Variants in DYRK4 observed in about 807,000 individuals in gnomAD.
The protein encoded by DYRK4 is dual specificity tyrosine-phosphorylation-regulated kinase 4.
In DYRK4, 64 loss-of-function variants were observed where a neutral mutation model predicts 68.3. The observed-to-expected ratio is 0.94, with a 90% confidence interval of 0.77 to 1.15. The LOEUF (loss-of-function observed/expected upper bound fraction) is 1.15, where lower values mean the gene tolerates loss of function less well. Ranked by LOEUF, DYRK4 falls within the 50% of genes most tolerant of loss-of-function variation. The pLI is 0.00. For synonymous variants in DYRK4, 274 were observed against 289.9 expected (o/e 0.95, Z 0.56); for missense variants, 740 against 764.7 (o/e 0.97, Z 0.38).
chr12:4,573,334 C>A, intron 2 of DYRK4: 1 of 1,289,460 alleles, frequency 7.8e-7, no homozygotes, highest in Non-Finnish European at 1.0e-6. Flanking sequence ...TCCTAGGGCC[C>A]CACTCTTTCT....
At chr12:4,586,333 G>A (rs1944896210) in intron 2 of DYRK4, among the ~76,000 whole-genome samples, 1 of 152,118 alleles carries the variant, frequency 6.6e-6, no homozygotes, top group Non-Finnish European at 1.5e-5. Context: ...AAAATCTTTT[G>A]TTACATAGGA....
chr12:4,589,113 A>T, intron 3 of DYRK4, 96 bp downstream of exon 3: 2 of 1,093,158 alleles, frequency 1.8e-6, no homozygotes, highest in Non-Finnish European at 2.6e-6. Context: ...CCAATTTATC[A>T]TAAAATGTAT....
chr12:4,568,332 T>C (rs540792429), intron 2 of DYRK4, among the ~76,000 whole-genome samples: 10 of 152,298 alleles, frequency 6.6e-5, no homozygotes, highest in African/African-American at 2.4e-4. Context: ...GAGATCCTAC[T>C]GGAAGTTACC....
At chr12:4,607,925 G>A (rs867362687) in intron 12 of DYRK4, among the ~76,000 whole-genome samples, 2 of 152,146 alleles carry the variant, frequency 1.3e-5, no homozygotes, top group East Asian at 1.9e-4. Flanking sequence ...AGTTATGTAC[G>A]TGTCATCTGT....
intron 1 of DYRK4, among the ~76,000 whole-genome samples, chr12:4,565,974 G>A (rs989787633): frequency 6.6e-6 from 1 of 152,154 alleles, no homozygotes; most frequent in African/African-American, 2.4e-5. Context: ...AGTAAAGGAA[G>A]GCAACACTCG....
At chr12:4,606,712 T>C (rs1945156256) in intron 11 of DYRK4, among the ~76,000 whole-genome samples, 1 of 152,208 alleles carries the variant, frequency 6.6e-6, no homozygotes. Flanking sequence ...GCCCCAGAAC[T>C]GACTCAGCTT....
At chr12:4,575,937 A>C (rs10849098) in intron 2 of DYRK4, among the ~76,000 whole-genome samples, 58,093 of 151,950 alleles carry the variant, frequency 0.38, 11,878 homozygotes, top group Middle Eastern at 0.48. Context: ...TTTCCATATA[A>C]CCCATTCCTC....
intron 11 of DYRK4, among the ~76,000 whole-genome samples, chr12:4,606,029 A>G (rs1196511331): frequency 6.6e-6 from 1 of 152,216 alleles, no homozygotes; most frequent in Non-Finnish European, 1.5e-5. Flanking sequence ...ACTTCAAAGT[A>G]TGTGTATTGT....
At chr12:4,602,712 C>A in intron 10 of DYRK4, 1 of 1,484,774 alleles carries the variant, frequency 6.7e-7, no homozygotes, top group Non-Finnish European at 9.4e-7. Flanking sequence ...GCAAATACCC[C>A]TGACTCTTCA....
Position 4,602,237 on chromosome 12 carries a change from T to A in DYRK4, c.1126+2449T>A, listed in dbSNP as rs538741127. 1.3e-5 allele frequency: 14 copies of A among 1,057,648 alleles called. No individual in the cohort carries two copies. The East Asian group carries it at 3.4e-4, about 25-fold the overall frequency. The allele number at this position is 1,057,648 out of a possible 1,614,324, so 65.5% of individuals were successfully genotyped here. ...ATCTGCTTTGCTTGCTGAATTCTCC[T>A]CATTTCTAAGACCTGCTCTCTTTTC... On this transcript the variant is annotated intron_variant, in intron 10 of 14. Transcript: ENST00000543431.
intron 10 of DYRK4, chr12:4,601,971 A>G (rs527535047): frequency 9.6e-5 from 29 of 302,298 alleles, no homozygotes; most frequent in African/African-American, 6.1e-4. Context: ...ATCATTTTCT[A>G]TTTTCTGTTC....
At chr12:4,587,348 A>G (rs1944908134) in intron 2 of DYRK4, among the ~76,000 whole-genome samples, 1 of 151,914 alleles carries the variant, frequency 6.6e-6, no homozygotes, top group Non-Finnish European at 1.5e-5. Flanking sequence ...CGCCCCCTCT[A>G]CCACCATCCT....
chr12:4,568,142 C>T, intron 2 of DYRK4, 94 bp downstream of exon 2: 1 of 1,193,456 alleles, frequency 8.4e-7, no homozygotes, highest in Non-Finnish European at 1.2e-6. Flanking sequence ...CCCCAAGCAC[C>T]TCTGGGTACA....
intron 5 of DYRK4, chr12:4,592,439 CT>C (rs930346766): frequency 8.5e-5 from 13 of 152,206 alleles, no homozygotes; most frequent in African/African-American, 2.9e-4. Flanking sequence ...AATTTTACCC[CT>C]GACCACGCAC....
chr12:4,605,728 G>GGTTT (rs1945138824), intron 11 of DYRK4, among the ~76,000 whole-genome samples: 1 of 68,938 alleles, frequency 1.5e-5, no homozygotes, highest in Non-Finnish European at 2.5e-5. Context: ...AATAGAGCTG[G>GGTTT]GTTTTTTTTT....
chr12:4,596,558 C>T (rs1368572231), intron 7 of DYRK4, 31 bp from the exon 8 acceptor site: 11 of 1,605,326 alleles, frequency 6.9e-6, no homozygotes, highest in African/African-American at 6.7e-5. Flanking sequence ...TCCCCATTTC[C>T]CACCCTGCCG....
At chr12:4,582,537 A>T (rs1485916775) in intron 2 of DYRK4, among the ~76,000 whole-genome samples, 1 of 152,178 alleles carries the variant, frequency 6.6e-6, no homozygotes, top group Non-Finnish European at 1.5e-5. Context: ...CTTGTCTAAC[A>T]AGCCTTTGCA....
chr12:4,583,504 T>C (rs893009766), intron 2 of DYRK4, among the ~76,000 whole-genome samples: 2 of 152,112 alleles, frequency 1.3e-5, no homozygotes, highest in Non-Finnish European at 2.9e-5. Context: ...CCGTGCTCTG[T>C]ACTTCAGTCA....
chr12:4,568,338 T>G (rs1337757016), intron 2 of DYRK4, among the ~76,000 whole-genome samples: 1 of 152,222 alleles, frequency 6.6e-6, no homozygotes, highest in African/African-American at 2.4e-5. Context: ...CTACTGGAAG[T>G]TACCTGGAAT....
Sources: gnomAD v4.1 joint callset for allele counts (sites outside exome capture counted in the v4.1 genomes callset) on GRCh38, gnomAD v4.1.1 for gene constraint, MANE v1.5 for transcripts, NCBI Gene and HGNC (gene_info 2026-07-23, HGNC 2026-07-21) for gene names.